TMEM132D: variants seen among roughly 807,000 people sequenced by gnomAD.
TMEM132D encodes mature OL transmembrane protein.
A neutral mutation model predicts 62.3 loss-of-function variants in TMEM132D; 21 were observed. The observed-to-expected ratio is 0.34, with a 90% confidence interval of 0.24 to 0.49. TMEM132D has a LOEUF of 0.49. Among genes scored for constraint, TMEM132D ranks in the 20% least tolerant of loss-of-function variants. The probability of loss-of-function intolerance (pLI) is 0.99; values close to 1 mark genes in which losing one functional copy is unlikely to be tolerated. For synonymous variants in TMEM132D, 621 were observed against 575.6 expected, an observed-to-expected ratio of 1.08 and a Z score of -1.13; for missense variants, 1,346 against 1,402.8, an observed-to-expected ratio of 0.96 and a Z score of 0.65.
At chr12:129,894,368 T>A (rs2137396404) in intron 1 of TMEM132D, among the ~76,000 whole-genome samples, 1 of 152,268 alleles carries the variant, frequency 6.6e-6, no homozygotes, top group South Asian at 2.1e-4. Flanking sequence ...TTATTACAAT[T>A]CAAGGTGAGA....
intron 2 of TMEM132D, among the ~76,000 whole-genome samples, chr12:129,694,891 C>A (rs183366931): frequency 6.6e-6 from 1 of 152,102 alleles, no homozygotes; most frequent in East Asian, 1.9e-4. Context: ...GCCTTTAATC[C>A]CAGCTACTTT....
At chr12:129,732,596 G>A (rs775946537) in intron 1 of TMEM132D, among the ~76,000 whole-genome samples, 2 of 152,128 alleles carry the variant, frequency 1.3e-5, no homozygotes, top group Non-Finnish European at 2.9e-5. Context: ...CACGTGAGAT[G>A]CCTGCTCCCT....
chr12:129,733,189 G>C (rs781215565), intron 1 of TMEM132D, among the ~76,000 whole-genome samples: 5 of 152,192 alleles, frequency 3.3e-5, no homozygotes, highest in Non-Finnish European at 7.3e-5. Flanking sequence ...GGAAGGCCCA[G>C]ATTGTAGCCA....
intron 4 of TMEM132D, among the ~76,000 whole-genome samples, chr12:129,316,674 G>C (rs1052725879): frequency 6.6e-6 from 1 of 152,116 alleles, no homozygotes; most frequent in Non-Finnish European, 1.5e-5. Flanking sequence ...TTGTTCCAAG[G>C]TATAGTTTAA....
chr12:129,685,827 T>A (rs1880899836), intron 2 of TMEM132D, among the ~76,000 whole-genome samples: 1 of 152,192 alleles, frequency 6.6e-6, no homozygotes, highest in South Asian at 2.1e-4. Context: ...ACCTCTTGCA[T>A]CAGTGTGATC....
chr12:129,179,965 T>C (rs889026435), intron 5 of TMEM132D, among the ~76,000 whole-genome samples: 2 of 151,004 alleles, frequency 1.3e-5, no homozygotes, highest in African/African-American at 2.4e-5. Flanking sequence ...GAGGCGGAGG[T>C]TCCTGGGAGC....
intron 4 of TMEM132D, among the ~76,000 whole-genome samples, chr12:129,253,010 G>C (rs1880309342): frequency 7.0e-6 from 1 of 142,848 alleles, no homozygotes; most frequent in Non-Finnish European, 1.5e-5. Flanking sequence ...CATGGACACA[G>C]GAAGGGGAAC....
intron 2 of TMEM132D, among the ~76,000 whole-genome samples, chr12:129,686,677 T>G (rs1256704675): frequency 6.6e-6 from 1 of 152,232 alleles, no homozygotes; most frequent in Non-Finnish European, 1.5e-5. Flanking sequence ...TACTCACATT[T>G]TGCCAAAGCA....
intron 2 of TMEM132D, among the ~76,000 whole-genome samples, chr12:129,653,334 G>C (rs265601): frequency 0.65 from 98,689 of 152,074 alleles, 32,430 homozygotes; most frequent in East Asian, 0.86. Flanking sequence ...CAATGTGAAG[G>C]TGCTGGAACA....
At chr12:129,657,155 A>G (rs1358473186) in intron 2 of TMEM132D, among the ~76,000 whole-genome samples, 1 of 152,214 alleles carries the variant, frequency 6.6e-6, no homozygotes, top group Non-Finnish European at 1.5e-5. Flanking sequence ...TTCAGCTTTC[A>G]TGACAAAGAG....
At chr12:129,656,196 G>A (rs1011752272) in intron 2 of TMEM132D, among the ~76,000 whole-genome samples, 2 of 151,476 alleles carry the variant, frequency 1.3e-5, no homozygotes, top group South Asian at 2.1e-4. Context: ...AATAAAAGAC[G>A]AAAAGAAGGA....
chr12:129,664,483 G>A (rs1487332992), intron 2 of TMEM132D, among the ~76,000 whole-genome samples: 1 of 137,536 alleles, frequency 7.3e-6, no homozygotes, highest in Non-Finnish European at 1.5e-5. Flanking sequence ...GGAGTGCAGT[G>A]GCACAATCTC....
rs1874702062 is a variant in TMEM132D at position 129,884,886 on chromosome 12, T to C, written c.79+18375A>G. ...ACTAACCACTCTGGTGTCTTTCAGA[T>C]AGCTAATGGGTAAACAAACTCTGGT... On this transcript the variant is annotated intron_variant, in intron 1 of 8. Transcript: ENST00000422113. Among the ~76,000 whole-genome samples the C allele has an allele frequency of 1.3e-5, 2 of 152,194 alleles. 1 individual carries two copies. The highest frequency in any genetic ancestry group is 4.1e-4 in the South Asian group (2 of 4,830).
intron 3 of TMEM132D, among the ~76,000 whole-genome samples, chr12:129,359,227 C>A (rs774755391): frequency 1.3e-5 from 2 of 151,982 alleles, no homozygotes; most frequent in Non-Finnish European, 2.9e-5. Flanking sequence ...ATAGGCCAAT[C>A]CATAGAGACA....
intron 2 of TMEM132D, among the ~76,000 whole-genome samples, chr12:129,574,313 T>C (rs1877598027): frequency 6.6e-6 from 1 of 151,968 alleles, no homozygotes. Flanking sequence ...TAAAATCTGA[T>C]AAACATGACT....
chr12:129,209,958 C>T, intron 4 of TMEM132D: 1 of 359,484 alleles, frequency 2.8e-6, no homozygotes, highest in Non-Finnish European at 5.2e-6. Flanking sequence ...GTGTCAGGCA[C>T]CCTTGTAAGT....
In TMEM132D at chr12:129,377,475, T is replaced by C. The variant is rs903103681; in HGVS notation, c.1116-39658A>G. ...CATTCCAGGCTTTGAAAAAAGCATA[T>C]GCAATAATTTCTCCATCTCCATCGA... On this transcript the variant is annotated intron_variant, in intron 3 of 8. Coordinates refer to ENST00000422113, the MANE Select transcript of TMEM132D (RefSeq NM_133448.3). 3.8e-4 allele frequency among the ~76,000 whole-genome samples: 58 copies of C among 152,184 alleles called. 2 individuals carry two copies. Among genetic ancestry groups the C allele is most frequent in the Non-Finnish European group, 4.4e-5 (3 of 68,026 alleles).
chr12:129,405,346 CCTAAAT>C (rs1256474734), intron 3 of TMEM132D, among the ~76,000 whole-genome samples: 2 of 152,134 alleles, frequency 1.3e-5, no homozygotes, highest in Non-Finnish European at 2.9e-5. Context: ...CATGACCTTA[CCTAAAT>C]CTAATCACCC....
At chr12:129,699,469 T>G (rs1470675796) in intron 2 of TMEM132D, among the ~76,000 whole-genome samples, 1 of 152,206 alleles carries the variant, frequency 6.6e-6, no homozygotes, top group African/African-American at 2.4e-5. Flanking sequence ...TGTGAGGCAT[T>G]TAACTCTCCC....
Sources: gnomAD v4.1 joint callset for allele counts (sites outside exome capture counted in the v4.1 genomes callset) on GRCh38, gnomAD v4.1.1 for gene constraint, MANE v1.5 for transcripts, NCBI Gene and HGNC (gene_info 2026-07-23, HGNC 2026-07-21) for gene names.